The following AIG1 variants were observed in gnomAD, a reference collection of about 807,000 sequenced individuals.
AIG1 encodes the protein androgen induced 1, also known as androgen-induced gene 1 protein.
In AIG1, 23 loss-of-function variants were observed where a neutral mutation model predicts 31.4. The observed-to-expected ratio is 0.73, with a 90% CI of 0.53 to 1.04. The LOEUF is 1.04. AIG1 is among the 50% of genes least tolerant of loss of function. The pLI is 0.00. For missense variants in AIG1, 274 were observed against 295.0 expected, an observed-to-expected ratio of 0.93 and a Z score of 0.52; for synonymous variants, 100 against 110.5, an observed-to-expected ratio of 0.90 and a Z score of 0.60.
At chr6:143,241,581 C>T (rs1324972511) in intron 3 of AIG1, among the ~76,000 whole-genome samples, 1 of 152,248 alleles carries the variant, frequency 6.6e-6, no homozygotes, top group Non-Finnish European at 1.5e-5. Flanking sequence ...CCACTGTGCT[C>T]ACTGTGTGTC....
At chr6:143,317,163 G>C (rs1431210552) in intron 4 of AIG1, among the ~76,000 whole-genome samples, 1 of 152,068 alleles carries the variant, frequency 6.6e-6, no homozygotes, top group Non-Finnish European at 1.5e-5. Flanking sequence ...ATTCTATGAA[G>C]CCAGTATCAC....
intron 1 of AIG1, among the ~76,000 whole-genome samples, chr6:143,105,145 G>A (rs1181045708): frequency 6.6e-6 from 1 of 152,186 alleles, no homozygotes; most frequent in Non-Finnish European, 1.5e-5. Context: ...TAGCATAGTA[G>A]TGAGGGTGTG....
At chr6:143,101,582 C>T (rs188914821) in intron 1 of AIG1, among the ~76,000 whole-genome samples, 27 of 152,032 alleles carry the variant, frequency 1.8e-4, no homozygotes, top group Admixed American at 1.2e-3. Flanking sequence ...ACTGGGAAGA[C>T]GGAATCCAGA....
At chr6:143,241,487 A>G (rs1002649073) in intron 3 of AIG1, among the ~76,000 whole-genome samples, 1 of 152,204 alleles carries the variant, frequency 6.6e-6, no homozygotes, top group Non-Finnish European at 1.5e-5. Context: ...GTAGCTAGGG[A>G]AAGAGTTCAT....
At chr6:143,193,410 G>A (rs1362340047) in intron 3 of AIG1, among the ~76,000 whole-genome samples, 3 of 152,146 alleles carry the variant, frequency 2.0e-5, no homozygotes, top group Admixed American at 6.5e-5. Context: ...TTTATTGCAA[G>A]CTACCTTGAC....
intron 3 of AIG1, among the ~76,000 whole-genome samples, chr6:143,204,532 C>T (rs747266334): frequency 1.3e-5 from 2 of 152,090 alleles, no homozygotes; most frequent in Non-Finnish European, 2.9e-5. Context: ...GCTTCATAAG[C>T]CCTAGCCTCA....
intron 3 of AIG1, among the ~76,000 whole-genome samples, chr6:143,244,969 C>A (rs1457625667): frequency 6.6e-6 from 1 of 152,118 alleles, no homozygotes; most frequent in Non-Finnish European, 1.5e-5. Context: ...TTCATTTGAA[C>A]AACAGTTTAA....
intron 3 of AIG1, among the ~76,000 whole-genome samples, chr6:143,187,230 T>C (rs1789343502): frequency 6.6e-6 from 1 of 152,254 alleles, no homozygotes; most frequent in African/African-American, 2.4e-5. Context: ...TCCTTATTTA[T>C]TGTTAAGAAT....
chr6:143,209,067 C>T (rs1266829664), intron 3 of AIG1, among the ~76,000 whole-genome samples: 1 of 152,136 alleles, frequency 6.6e-6, no homozygotes, highest in Non-Finnish European at 1.5e-5. Context: ...TGTCTCTCTG[C>T]ACTGGGAAAA....
chr6:143,167,748 A>G (rs1158566090), intron 3 of AIG1, among the ~76,000 whole-genome samples: 1 of 152,198 alleles, frequency 6.6e-6, no homozygotes, highest in African/African-American at 2.4e-5. Flanking sequence ...AATATTTAGG[A>G]AAGAGAAAAG....
intron 2 of AIG1, among the ~76,000 whole-genome samples, chr6:143,156,262 G>A (rs996851916): frequency 2.0e-5 from 3 of 152,190 alleles, no homozygotes; most frequent in African/African-American, 7.2e-5. Flanking sequence ...GCATGTATCC[G>A]TTAGTGAGTA....
At chr6:143,194,543 C>G (rs553044900) in intron 3 of AIG1, among the ~76,000 whole-genome samples, 1 of 152,306 alleles carries the variant, frequency 6.6e-6, no homozygotes, top group Admixed American at 6.5e-5. Context: ...GTCAGGTGAT[C>G]ATAACTTGGG....
chr6:143,166,483 T>A (rs1786953187), intron 3 of AIG1, among the ~76,000 whole-genome samples: 1 of 152,218 alleles, frequency 6.6e-6, no homozygotes, highest in Admixed American at 6.5e-5. Flanking sequence ...TAAGAAGCCA[T>A]TCCTAACTCC....
chr6:143,318,434 G>A (rs1406991394), intron 4 of AIG1, among the ~76,000 whole-genome samples: 2 of 152,128 alleles, frequency 1.3e-5, no homozygotes, highest in Admixed American at 1.3e-4. Context: ...GCCACATGTA[G>A]AAGAATGAAA....
intron 3 of AIG1, among the ~76,000 whole-genome samples, chr6:143,239,697 G>A (rs1204488934): frequency 2.6e-5 from 4 of 152,082 alleles, no homozygotes; most frequent in Admixed American, 1.3e-4. Flanking sequence ...TTCCTGTGCC[G>A]TATCACAAGA....
At chr6:143,310,014 G>T (rs1337253404) in intron 4 of AIG1, among the ~76,000 whole-genome samples, 2 of 151,872 alleles carry the variant, frequency 1.3e-5, no homozygotes, top group African/African-American at 4.8e-5. Flanking sequence ...TGATAGAACT[G>T]CCAGGAAACA....
chr6:143,327,358 C>G lies in AIG1; in HGVS notation c.516-5924C>G. 3 of 269,350 alleles carry G rather than the reference C, an allele frequency of 1.1e-5. No individual in the cohort carries two copies. Among genetic ancestry groups the G allele is most frequent in the Non-Finnish European group, 2.2e-5 (3 of 138,026 alleles). 16.7% of individuals were successfully genotyped at this position (269,350 alleles called of 1,614,324 possible). ...GGTGACCTCGTTGATGATACACCAT[C>G]AACATTCACAAGCGCGTCCATGGAG... On this transcript the variant is annotated intron_variant, in intron 4 of 5. Coordinates refer to ENST00000357847, the MANE Select transcript of AIG1 (RefSeq NM_016108.4). The surrounding 1 kb of genome is among the most constrained non-coding windows in gnomAD (Gnocchi z 5.3).
intron 4 of AIG1, among the ~76,000 whole-genome samples, chr6:143,308,770 C>T (rs1775010050): frequency 6.6e-6 from 1 of 152,128 alleles, no homozygotes; most frequent in South Asian, 2.1e-4. Context: ...CTATACGATA[C>T]CTGAAAACAT....
chr6:143,078,209 C>T (rs1335636031), intron 1 of AIG1, among the ~76,000 whole-genome samples: 1 of 151,948 alleles, frequency 6.6e-6, no homozygotes, highest in Non-Finnish European at 1.5e-5. Flanking sequence ...CTAAAATGTC[C>T]ACCGGGTTCC....
Sources: gnomAD v4.1 joint callset for allele counts (sites outside exome capture counted in the v4.1 genomes callset) on GRCh38, gnomAD v4.1.1 for gene constraint, Gnocchi (gnomAD v3.1) non-coding constraint, MANE v1.5 for transcripts, NCBI Gene and HGNC (gene_info 2026-07-23, HGNC 2026-07-21) for gene names.